SETD5: variants seen among roughly 807,000 people sequenced by gnomAD.
SETD5 encodes the protein histone-lysine N-methyltransferase SETD5.
Under a neutral mutation model 153.3 loss-of-function variants are expected in SETD5, and 44 were observed. The observed-to-expected ratio is 0.29, with a 90% CI of 0.23 to 0.37. SETD5 has a LOEUF of 0.37. Ranked by LOEUF, SETD5 falls within the 10% of genes least tolerant of loss-of-function variation. SETD5 has a pLI of 1.00. For missense variants in SETD5, 1,544 were observed against 1,768.0 expected (o/e 0.87, Z 2.27); for synonymous variants, 716 against 645.2 (o/e 1.11, Z -1.66).
intron 16 of SETD5, among the ~76,000 whole-genome samples, chr3:9,453,330 C>G (rs904426174): frequency 3.9e-5 from 6 of 152,146 alleles, no homozygotes; most frequent in African/African-American, 1.4e-4. Context: ...ACGGGGCAGA[C>G]AACTTTTAAG....
intron 20 of SETD5, 46 bp downstream of exon 20, chr3:9,473,583 G>C: frequency 1.3e-6 from 2 of 1,519,362 alleles, no homozygotes; most frequent in Non-Finnish European, 8.9e-7. Context: ...GGGTGGGGGG[G>C]AGTATATATC....
chr3:9,475,585 C>G lies in SETD5; in HGVS notation c.3823C>G (p.Arg1275Gly). 1 of 1,613,918 alleles carries G rather than the reference C, an allele frequency of 6.2e-7. No individual in the cohort carries two copies. The highest frequency in any genetic ancestry group is 8.5e-7 in the Non-Finnish European group (1 of 1,179,876). The change falls in exon 23 of 23, where the codon CGA (arginine) becomes GGA (glycine). Residue 1275 changes from arginine (R) to glycine (G), a missense_variant. By Grantham distance (125) the Arg-to-Gly change is moderately radical (BLOSUM62 -2). Transcript: ENST00000402198. The part of the protein sequence containing the change: ...HPTQSPGYSY[R>G]TTALRPGNPP... ...TACACAGTCTCCAGGATACAGTTAT[C>G]GAACTACTGCACTGAGACCTGGAAA...
At chr3:9,446,945 T>A (rs2042091698) in intron 13 of SETD5, 105 bp from the exon 14 acceptor site, 1 of 716,772 alleles carries the variant, frequency 1.4e-6, no homozygotes, top group African/African-American at 1.8e-5. Flanking sequence ...ATCTTACTGG[T>A]AGTTAAATGA....
Position 9,447,742 on chromosome 3 carries a change from C to T in SETD5, c.1839C>T (p.Pro613=). 6.2e-7 allele frequency: 1 copy of T among 1,613,892 alleles called. No homozygotes were observed. Among genetic ancestry groups the T allele is most frequent in the Non-Finnish European group, 8.5e-7 (1 of 1,179,878 alleles). Residue 613 remains proline (P), a synonymous_variant, in exon 15 of 23, where the codon CCC becomes CCT. Coordinates refer to ENST00000402198, the MANE Select transcript of SETD5 (RefSeq NM_001080517.3). ...PKPPPAKPSR[P]RPKSRISRYR... ...CACCTCCAGCAAAGCCTTCTAGGCC[C>T]CGGCCGAAGAGTCGAATTTCTCGGT...
chr3:9,454,326 T>G (rs532425852), intron 17 of SETD5, among the ~76,000 whole-genome samples: 1 of 152,220 alleles, frequency 6.6e-6, no homozygotes, highest in East Asian at 1.9e-4. Context: ...GCATACAATT[T>G]TTAAAAGAAC....
At chr3:9,448,114 G>A in intron 15 of SETD5, 108 bp downstream of exon 15, 1 of 1,288,700 alleles carries the variant, frequency 7.8e-7, no homozygotes, top group Non-Finnish European at 1.0e-6. Context: ...TTACTAGATT[G>A]AAAGTTCTAA....
At chr3:9,449,057 G>C (rs1029663422) in intron 16 of SETD5, among the ~76,000 whole-genome samples, 1 of 152,142 alleles carries the variant, frequency 6.6e-6, no homozygotes, top group African/African-American at 2.4e-5. Context: ...AAATTGTTTT[G>C]AATCAATTCA....
chr3:9,455,230 C>T (rs1406643315), intron 17 of SETD5, among the ~76,000 whole-genome samples: 3 of 143,466 alleles, frequency 2.1e-5, no homozygotes, highest in African/African-American at 5.3e-5. Flanking sequence ...CTCAGCCTCC[C>T]GAGTAACTGG....
In SETD5 at chr3:9,476,226, G is replaced by T. The variant is rs1430456464; in HGVS notation, c.*135G>T. ...CCAGAGGATTGGGTCTGGTGGACAA[G>T]AAACAAGACTTGTGGTCACAATTGG... On this transcript the variant is annotated 3_prime_UTR_variant, in exon 23 of 23. Coordinates refer to ENST00000402198, the MANE Select transcript of SETD5 (RefSeq NM_001080517.3). 15 of 1,239,578 alleles carry T rather than the reference G, an allele frequency of 1.2e-5. No individual in the cohort carries two copies. The highest frequency in any genetic ancestry group is 1.5e-5 in the Non-Finnish European group (14 of 916,882). 76.8% of individuals were successfully genotyped at this position (1,239,578 alleles called of 1,614,324 possible). A position where few individuals can be genotyped will look rare whatever the true frequency, so the allele number is the denominator to read the frequency against.
intron 18 of SETD5, chr3:9,468,677 G>A: frequency 9.2e-7 from 1 of 1,091,068 alleles, no homozygotes; most frequent in Admixed American, 2.3e-5. Flanking sequence ...AGTCAGTGGG[G>A]TGATGGGCTG....
intron 17 of SETD5, among the ~76,000 whole-genome samples, chr3:9,461,863 A>G (rs962997848): frequency 6.6e-6 from 1 of 152,214 alleles, no homozygotes; most frequent in African/African-American, 2.4e-5. Flanking sequence ...CCCTTGAAAT[A>G]TTAAATATAT....
chr3:9,428,273 A>T (rs1046130300), intron 2 of SETD5, among the ~76,000 whole-genome samples: 1 of 152,216 alleles, frequency 6.6e-6, no homozygotes, highest in Non-Finnish European at 1.5e-5. Context: ...GAAGGAAGAG[A>T]GTGTTCAATG....
chr3:9,435,708 A>G lies in SETD5; in HGVS notation c.389-20A>G, dbSNP rs760682771. 1.8e-5 allele frequency: 28 copies of G among 1,553,724 alleles called. No homozygotes were observed. Among genetic ancestry groups the G allele is most frequent in the African/African-American group, 1.4e-4 (10 of 72,678 alleles). The stretch of plus-strand genomic sequence containing the variant: ...TTTTGAGGCTATTAGTACCTGAACT[A>G]TGAAATCATCATTTTTCAGGTGGGG... On this transcript the variant is annotated intron_variant, in intron 6 of 22. Transcript: ENST00000402198.
At chr3:9,400,811 C>A (rs1461929659) in intron 1 of SETD5, among the ~76,000 whole-genome samples, 1 of 152,122 alleles carries the variant, frequency 6.6e-6, no homozygotes, top group Non-Finnish European at 1.5e-5. Flanking sequence ...GGCCTCTGAG[C>A]CCCTTAGGTG....
chr3:9,453,167 C>G (rs1390411460), intron 16 of SETD5, among the ~76,000 whole-genome samples: 2 of 152,030 alleles, frequency 1.3e-5, no homozygotes, highest in Non-Finnish European at 2.9e-5. Flanking sequence ...CATAATTTAA[C>G]CAAACTACTT....
At chr3:9,458,096 TG>T (rs1035240503) in intron 17 of SETD5, among the ~76,000 whole-genome samples, 8 of 152,150 alleles carry the variant, frequency 5.3e-5, no homozygotes, top group African/African-American at 1.7e-4. Context: ...GTTGGTAAAT[TG>T]TCATGGAATT....
At chr3:9,410,968 A>G (rs1472263788) in intron 1 of SETD5, among the ~76,000 whole-genome samples, 1 of 151,210 alleles carries the variant, frequency 6.6e-6, no homozygotes, top group Non-Finnish European at 1.5e-5. Flanking sequence ...AGCTCACTGC[A>G]ACCTAGGCGT....
intron 7 of SETD5, among the ~76,000 whole-genome samples, chr3:9,436,174 G>A (rs557903756): frequency 9.2e-5 from 14 of 152,190 alleles, no homozygotes; most frequent in South Asian, 6.2e-4. Context: ...GCACAATCCC[G>A]TATGTGTTGC....
rs754095014 is a variant in SETD5 at position 9,447,637 on chromosome 3, T to C, written c.1783-49T>C. On this transcript the variant is annotated intron_variant, in intron 14 of 22. Transcript: ENST00000402198. The stretch of plus-strand genomic sequence containing the variant: ...TAAAGTGAATAGGAAATTAGACTGT[T>C]TGCTGATAAAACATTTCTGGTAAGC... The C allele has an allele frequency of 5.7e-6, 9 of 1,570,304 alleles. No homozygotes were observed. The South Asian group carries it at 1.0e-4, about 18-fold the overall frequency.
Sources: allele counts gnomAD v4.1 joint callset (sites outside exome capture counted in the v4.1 genomes callset), GRCh38; gene constraint gnomAD v4.1.1; transcripts MANE v1.5; gene names NCBI Gene and HGNC (gene_info 2026-07-23, HGNC 2026-07-21).